Variants in SLC4A7 observed in about 807,000 individuals in gnomAD.
The protein encoded by SLC4A7 is sodium bicarbonate cotransporter 3.
A neutral mutation model predicts 137.6 loss-of-function variants in SLC4A7; 51 were observed. The ratio of observed to expected loss-of-function variants is 0.37; its 90% CI spans 0.30 to 0.47. The LOEUF (loss-of-function observed/expected upper bound fraction) is 0.47. SLC4A7 is among the 20% of genes least tolerant of loss of function. The probability of loss-of-function intolerance (pLI) is 1.00; values close to 1 mark genes in which losing one functional copy is unlikely to be tolerated. For missense variants in SLC4A7, 1,247 were observed against 1,525.4 expected, an observed-to-expected ratio of 0.82 and a Z score of 3.04; for synonymous variants, 542 against 518.6, an observed-to-expected ratio of 1.05 and a Z score of -0.61.
intron 15 of SLC4A7, among the ~76,000 whole-genome samples, chr3:27,401,653 G>A (rs911395612): frequency 6.6e-6 from 1 of 152,082 alleles, no homozygotes; most frequent in African/African-American, 2.4e-5. Context: ...GCTATGATGT[G>A]AATAAGTAAC....
rs139643738 is a variant in SLC4A7 at position 27,389,997 on chromosome 3, C to G, written c.3294G>C (p.Gln1098His). Reference protein sequence around the residue: ...LWKVHIFTVIQLTCLVLLWVI... With the variant: ...LWKVHIFTVIHLTCLVLLWVI... Reference sequence around the variant, plus strand: ...CCCATAAAAGGACCAAACAAGTAAGCTGAATGACTGTGAAAATATGGACCT... The same window carrying G: ...CCCATAAAAGGACCAAACAAGTAAGGTGAATGACTGTGAAAATATGGACCT... Residue 1098 changes from glutamine to histidine, a missense_variant, in exon 22 of 26, where the codon CAG becomes CAC. By Grantham distance (24) the Gln-to-His change is conservative. This residue lies in a region of SLC4A7 where 290 missense variants were observed against 323.8 expected (regional missense o/e 0.90). Transcript: ENST00000454389. The G allele has an allele frequency of 1.4e-4, 222 of 1,613,708 alleles. No individual in the cohort carries two copies. The highest frequency in any genetic ancestry group is 1.7e-4 in the Non-Finnish European group (198 of 1,179,842).
intron 10 of SLC4A7, among the ~76,000 whole-genome samples, chr3:27,419,255 G>A (rs2054692657): frequency 2.0e-5 from 3 of 152,002 alleles, no homozygotes; most frequent in Admixed American, 6.5e-5. Flanking sequence ...AAGAACAAAG[G>A]AGCCAGGAAA....
At chr3:27,410,389 C>T (rs2053789178) in intron 12 of SLC4A7, among the ~76,000 whole-genome samples, 1 of 152,196 alleles carries the variant, frequency 6.6e-6, no homozygotes, top group South Asian at 2.1e-4. Flanking sequence ...ACTCAAAAAA[C>T]AGAAAATCAT....
intron 1 of SLC4A7, among the ~76,000 whole-genome samples, chr3:27,473,019 G>A (rs899565116): frequency 6.6e-6 from 1 of 151,674 alleles, no homozygotes; most frequent in African/African-American, 2.4e-5. Flanking sequence ...GTCGGAGGTT[G>A]CAGTGAGTCC....
intron 23 of SLC4A7, among the ~76,000 whole-genome samples, chr3:27,384,711 C>T (rs2050761477): frequency 6.6e-6 from 1 of 151,938 alleles, no homozygotes; most frequent in African/African-American, 2.4e-5. Context: ...GTCTATAATC[C>T]CAGCACTGTG....
At chr3:27,413,006 A>AT (rs957202004) in intron 11 of SLC4A7, among the ~76,000 whole-genome samples, 1 of 152,186 alleles carries the variant, frequency 6.6e-6, no homozygotes, top group Non-Finnish European at 1.5e-5. Flanking sequence ...AATAAAATGC[A>AT]TTTTTTAAAA....
chr3:27,376,949 C>T lies in SLC4A7; in HGVS notation c.3699-104G>A, dbSNP rs1050435616. ...CTAAACCTTCTGAGATTACTATTAA[C>T]ACTACAAACTTATGACTTGCTAATT... On this transcript the variant is annotated intron_variant, in intron 25 of 25. Transcript: ENST00000454389. 2.3e-5 allele frequency: 10 copies of T among 431,582 alleles called. No individual in the cohort carries two copies. The South Asian group carries it at 2.5e-4, about 11-fold the overall frequency. The allele number at this position is 431,582 out of a possible 1,614,324, so 26.7% of individuals were successfully genotyped here.
At chr3:27,462,327 A>G (rs2058743503) in intron 1 of SLC4A7, among the ~76,000 whole-genome samples, 1 of 152,168 alleles carries the variant, frequency 6.6e-6, no homozygotes, top group Admixed American at 6.5e-5. Flanking sequence ...AACAAAATAT[A>G]AAGTCAAGAA....
At chr3:27,463,134 T>C (rs936030439) in intron 1 of SLC4A7, among the ~76,000 whole-genome samples, 9 of 151,990 alleles carry the variant, frequency 5.9e-5, no homozygotes, top group South Asian at 2.1e-4. Flanking sequence ...CTACTCAAAA[T>C]ACAAAAGTTA....
chr3:27,448,583 A>G, intron 3 of SLC4A7, 68 bp downstream of exon 3: 1 of 1,357,058 alleles, frequency 7.4e-7, no homozygotes, highest in Non-Finnish European at 1.0e-6. Context: ...GAAATATTCA[A>G]TTAAAAGAAA....
intron 21 of SLC4A7, among the ~76,000 whole-genome samples, chr3:27,391,400 G>A (rs983857028): frequency 3.3e-5 from 5 of 152,082 alleles, no homozygotes; most frequent in African/African-American, 9.7e-5. Flanking sequence ...ATTTTTATAG[G>A]AAACTAATAT....
In SLC4A7 at chr3:27,484,279, C is replaced by T; in HGVS notation, c.-153G>A. 1 of 492,900 alleles carries T rather than the reference C, an allele frequency of 2.0e-6. No homozygotes were observed. The allele number at this position is 492,900 out of a possible 1,614,324, so 30.5% of individuals were successfully genotyped here. ...CGAGGTGTGCGCGCGTGGGGAGAGCCGGGCGCCGGGCGCGGGAGACGCGGG... is the reference window on the plus strand; with the variant it reads ...CGAGGTGTGCGCGCGTGGGGAGAGCTGGGCGCCGGGCGCGGGAGACGCGGG... On this transcript the variant is annotated 5_prime_UTR_variant, in exon 1 of 26. Transcript: ENST00000454389.
intron 1 of SLC4A7, among the ~76,000 whole-genome samples, chr3:27,461,875 T>C (rs2058719678): frequency 1.3e-5 from 2 of 151,614 alleles, no homozygotes; most frequent in Admixed American, 1.3e-4. Context: ...AGTGGGAGGA[T>C]CACTTGAACC....
chr3:27,471,968 CAAT>C, intron 1 of SLC4A7, among the ~76,000 whole-genome samples: 1 of 152,268 alleles, frequency 6.6e-6, no homozygotes. Context: ...AAAATCTTCT[CAAT>C]GAACAGTATT....
rs1490737212 is a variant in SLC4A7 at position 27,385,854 on chromosome 3, A to G, written c.3492+38T>C. On this transcript the variant is annotated intron_variant, in intron 23 of 25. Coordinates refer to ENST00000454389, the MANE Select transcript of SLC4A7 (RefSeq NM_001321103.2). ...TGCAATATGGTGCAAAATATTAAATAAGGAAGTGGTGTAAGTTTAAAATTG... is the reference window on the plus strand; with the variant it reads ...TGCAATATGGTGCAAAATATTAAATGAGGAAGTGGTGTAAGTTTAAAATTG... 2.2e-6 allele frequency: 3 copies of G among 1,367,986 alleles called. No individual in the cohort carries two copies. In the South Asian group the frequency reaches 3.8e-5, roughly 17 times the overall value. 84.7% of individuals were successfully genotyped at this position (1,367,986 alleles called of 1,614,324 possible).
intron 3 of SLC4A7, among the ~76,000 whole-genome samples, 179 bp from the exon 4 acceptor site, chr3:27,437,705 A>G (rs1166873180): frequency 6.8e-6 from 1 of 147,416 alleles, no homozygotes; most frequent in Non-Finnish European, 1.5e-5. Context: ...ACAATCCAGG[A>G]AAAAAAAAAA....
At chr3:27,448,518 C>A (rs550976396) in intron 3 of SLC4A7, 133 bp downstream of exon 3, 4 of 610,646 alleles carry the variant, frequency 6.6e-6, no homozygotes, top group South Asian at 2.9e-5. Flanking sequence ...TTCCCCAATA[C>A]AATACATTCC....
At chr3:27,414,629 C>T (rs147447111) in intron 11 of SLC4A7, among the ~76,000 whole-genome samples, 2 of 152,168 alleles carry the variant, frequency 1.3e-5, no homozygotes, top group Non-Finnish European at 2.9e-5. Context: ...CAAAAGAAGT[C>T]AAAAGCAATC....
chr3:27,422,836 G>C (rs754867040), intron 8 of SLC4A7: 1 of 455,952 alleles, frequency 2.2e-6, no homozygotes, highest in Non-Finnish European at 4.4e-6. Flanking sequence ...CCAGGAGGCA[G>C]ACTCCTGCCC....
Sources: gnomAD v4.1 joint callset for allele counts (sites outside exome capture counted in the v4.1 genomes callset) on GRCh38, gnomAD v4.1.1 for gene constraint, gnomAD v4.1.1 regional missense constraint, MANE v1.5 for transcripts, NCBI Gene and HGNC (gene_info 2026-07-23, HGNC 2026-07-21) for gene names.